The following PRDM1 variants were observed in gnomAD, a reference collection of about 807,000 sequenced individuals.
The protein encoded by PRDM1 is PR domain zinc finger protein 1.
PRDM1 carries 13 observed loss-of-function variants against 62.8 expected under a neutral mutation model. That is an observed-to-expected ratio of 0.21 (90% CI 0.13 to 0.33). The LOEUF is 0.33. Ranked by LOEUF, PRDM1 falls within the 10% of genes least tolerant of loss-of-function variation. The pLI, the probability that PRDM1 is intolerant of heterozygous loss-of-function variation, is 1.00. For missense variants in PRDM1, 895 were observed against 1,058.8 expected (o/e 0.85, Z 2.15); for synonymous variants, 396 against 417.6 (o/e 0.95, Z 0.63).
At chr6:106,086,883 T>A (rs1773824023) in intron 1 of PRDM1, among the ~76,000 whole-genome samples, 1 of 152,218 alleles carries the variant, frequency 6.6e-6, no homozygotes, top group Non-Finnish European at 1.5e-5. Flanking sequence ...TTTATTTTAT[T>A]TTTAACATGT....
intron 1 of PRDM1, among the ~76,000 whole-genome samples, chr6:105,999,224 C>T (rs1241041821): frequency 6.6e-6 from 1 of 151,746 alleles, no homozygotes; most frequent in African/African-American, 2.4e-5. Flanking sequence ...CAGGCATGAG[C>T]CACCACGCCC....
At chr6:106,099,721 C>G in intron 4 of PRDM1, 169 bp downstream of exon 4, 1 of 823,112 alleles carries the variant, frequency 1.2e-6, no homozygotes, top group Non-Finnish European at 1.8e-6. Context: ...TCCCTATTAA[C>G]TATTAGGAAA....
chr6:106,084,709 G>A (rs996135437), upstream of PRDM1, among the ~76,000 whole-genome samples: 3 of 152,192 alleles, frequency 2.0e-5, no homozygotes, highest in Admixed American at 1.3e-4. Context: ...TCTTGAGCAG[G>A]CTGGATTTCT....
At chr6:106,016,853 C>A (rs1772628249) in intron 1 of PRDM1, among the ~76,000 whole-genome samples, 1 of 151,984 alleles carries the variant, frequency 6.6e-6, no homozygotes, top group Non-Finnish European at 1.5e-5. Context: ...GGGGTTTCAA[C>A]ACGCTGGCCA....
At chr6:106,033,318 T>C (rs1207371917) in intron 1 of PRDM1, among the ~76,000 whole-genome samples, 2 of 135,728 alleles carry the variant, frequency 1.5e-5, no homozygotes, top group Non-Finnish European at 3.2e-5. Context: ...CTAATATTAG[T>C]TTTTTTTTTT....
At chr6:105,999,711 G>T (rs552505658) in intron 1 of PRDM1, among the ~76,000 whole-genome samples, 4 of 152,284 alleles carry the variant, frequency 2.6e-5, no homozygotes, top group South Asian at 4.1e-4. Context: ...AACCTTTGGC[G>T]TGCAGGGCCT....
chr6:106,064,998 GACTA>G (rs1370452431), intron 1 of PRDM1, among the ~76,000 whole-genome samples: 3 of 152,258 alleles, frequency 2.0e-5, no homozygotes, highest in Middle Eastern at 3.4e-3. Context: ...TTGTCCATGT[GACTA>G]ACTGTGCACA....
At chr6:106,058,694 T>G (rs1188251189) in intron 1 of PRDM1, among the ~76,000 whole-genome samples, 1 of 152,200 alleles carries the variant, frequency 6.6e-6, no homozygotes, top group African/African-American at 2.4e-5. Context: ...TACCTCAGCC[T>G]CCTGAGTATC....
chr6:106,002,538 T>C (rs1772438858), intron 1 of PRDM1, among the ~76,000 whole-genome samples: 1 of 152,234 alleles, frequency 6.6e-6, no homozygotes, highest in Non-Finnish European at 1.5e-5. Flanking sequence ...AATTTTAATG[T>C]TAAAATGTAC....
At chr6:106,031,023 T>C (rs1772837487) in intron 1 of PRDM1, among the ~76,000 whole-genome samples, 1 of 152,014 alleles carries the variant, frequency 6.6e-6, no homozygotes, top group African/African-American at 2.4e-5. Flanking sequence ...TGATTTTTTT[T>C]TCTTCATAGT....
At chr6:106,089,245 G>A (rs1773898544) in intron 2 of PRDM1, among the ~76,000 whole-genome samples, 1 of 152,186 alleles carries the variant, frequency 6.6e-6, no homozygotes, top group African/African-American at 2.4e-5. Flanking sequence ...TTGGCTTACT[G>A]TAGTTGCACT....
chr6:105,998,015 A>G (rs1479778561), intron 1 of PRDM1, among the ~76,000 whole-genome samples: 7 of 152,216 alleles, frequency 4.6e-5, no homozygotes, highest in Non-Finnish European at 8.8e-5. Context: ...AAAACTGTGT[A>G]TGTTTAGTTG....
chr6:106,065,066 G>T (rs555141546), intron 1 of PRDM1, among the ~76,000 whole-genome samples: 21 of 152,194 alleles, frequency 1.4e-4, no homozygotes, highest in Non-Finnish European at 2.6e-4. Context: ...GATCTCTGGG[G>T]TAGTTGGAGG....
chr6:106,024,607 T>A (rs556609166), intron 1 of PRDM1, among the ~76,000 whole-genome samples: 38 of 152,314 alleles, frequency 2.5e-4, no homozygotes, highest in African/African-American at 8.9e-4. Flanking sequence ...TTCTTAATCA[T>A]CTGTACAGTG....
chr6:106,011,959 TACACAC>T (rs140962895), intron 1 of PRDM1, among the ~76,000 whole-genome samples: 3 of 121,808 alleles, frequency 2.5e-5, no homozygotes, highest in Non-Finnish European at 3.4e-5. Context: ...CACACCACAC[TACACAC>T]ACACACAAAC....
intron 1 of PRDM1, among the ~76,000 whole-genome samples, chr6:106,080,760 C>G (rs1307414088): frequency 6.6e-6 from 1 of 152,200 alleles, no homozygotes; most frequent in African/African-American, 2.4e-5. Context: ...AAGGCAGTGC[C>G]TGTTCTCTTC....
At chr6:106,026,084 A>G (rs1401023479) in intron 1 of PRDM1, among the ~76,000 whole-genome samples, 1 of 152,214 alleles carries the variant, frequency 6.6e-6, no homozygotes, top group East Asian at 1.9e-4. Flanking sequence ...TTAAGGAAAT[A>G]TGTAATCAGA....
intron 1 of PRDM1, among the ~76,000 whole-genome samples, chr6:106,026,260 C>G (rs1196831177): frequency 6.6e-6 from 1 of 152,148 alleles, no homozygotes; most frequent in Non-Finnish European, 1.5e-5. Flanking sequence ...AGGAGGATCA[C>G]CTGAGGTCGG....
chr6:106,028,407 C>T (rs1280035213), intron 1 of PRDM1, among the ~76,000 whole-genome samples: 1 of 152,142 alleles, frequency 6.6e-6, no homozygotes, highest in Non-Finnish European at 1.5e-5. Context: ...TGAAAAAATA[C>T]TCTTATCTGT....
Sources: gnomAD v4.1 joint callset for allele counts (sites outside exome capture counted in the v4.1 genomes callset) on GRCh38, gnomAD v4.1.1 for gene constraint, MANE v1.5 for transcripts, NCBI Gene and HGNC (gene_info 2026-07-23, HGNC 2026-07-21) for gene names.